The following EPG5 variants were observed in gnomAD, a reference collection of about 807,000 sequenced individuals.
EPG5 encodes ectopic P-granules 5 autophagy tethering factor.
A neutral mutation model predicts 302.7 loss-of-function variants in EPG5; 159 were observed. That is an observed-to-expected ratio of 0.53 (90% CI 0.46 to 0.60). The LOEUF is 0.60. Among genes scored for constraint, EPG5 ranks in the 20% least tolerant of loss-of-function variants. The probability of loss-of-function intolerance (pLI) is 0.00; values close to 1 mark genes in which losing one functional copy is unlikely to be tolerated. For synonymous variants in EPG5, 1,158 were observed against 1,136.8 expected (o/e 1.02, Z -0.37); for missense variants, 2,896 against 3,092.4 (o/e 0.94, Z 1.51).
At chr18:45,817,625 G>C in the EPG5 span, among the ~76,000 whole-genome samples, 2 of 152,178 alleles carry the variant, frequency 1.3e-5, no homozygotes, top group East Asian at 3.9e-4. Context: ...CTGACTATTG[G>C]CAGGTGGTCT....
chr18:45,921,823 G>A (rs532203210), intron 16 of EPG5, among the ~76,000 whole-genome samples: 79 of 152,148 alleles, frequency 5.2e-4, no homozygotes, highest in Non-Finnish European at 5.6e-4. Flanking sequence ...GGGGTGGGGG[G>A]CTGGGTGAGG....
At chr18:45,892,548 T>A (rs528326299) in intron 27 of EPG5, among the ~76,000 whole-genome samples, 2 of 152,314 alleles carry the variant, frequency 1.3e-5, no homozygotes, top group South Asian at 4.1e-4. Flanking sequence ...ATTTTTCACA[T>A]GATAATAAAT....
rs2050257669 is a variant in EPG5 at position 45,925,868 on chromosome 18, T to C, written c.2588A>G (p.Tyr863Cys). The C allele has an allele frequency of 5.8e-6, 9 of 1,539,606 alleles. No individual in the cohort carries two copies. The highest frequency in any genetic ancestry group is 1.3e-5 in the South Asian group (1 of 77,186). The change falls in exon 14 of 44, where the codon TAT becomes TGT. Residue 863 changes from tyrosine (Y) to cysteine (C), a missense_variant. Coordinates refer to ENST00000282041, the MANE Select transcript of EPG5 (RefSeq NM_020964.3). ...SLYLFKELPL[Y>C]LWQPSASEIA... ...CTCAGATGCAGAAGGTTGCCAAAGA[T>C]ACAAAGGCAGTTCTTTAAACAAGTA...
At chr18:45,966,124 G>A (rs2051249027) in intron 1 of EPG5, among the ~76,000 whole-genome samples, 1 of 151,722 alleles carries the variant, frequency 6.6e-6, no homozygotes. Context: ...TGTAATCTCA[G>A]CACTTTGGGA....
At chr18:45,838,635 A>T in the EPG5 span, 2 of 1,433,594 alleles carry the variant, frequency 1.4e-6, no homozygotes, top group African/African-American at 3.0e-5. Context: ...CCTTCTGACC[A>T]GCCCCCACCC....
intron 30 of EPG5, 24 bp downstream of exon 30, chr18:45,884,593 G>A: frequency 1.3e-6 from 2 of 1,566,026 alleles, no homozygotes. Flanking sequence ...TCAACAATAT[G>A]GTGAGGATGG....
chr18:45,819,509 AG>A, the EPG5 span, among the ~76,000 whole-genome samples: 1 of 152,234 alleles, frequency 6.6e-6, no homozygotes, highest in African/African-American at 2.4e-5. Context: ...AGTTGGGGTG[AG>A]GATTTAGGGA....
intron 42 of EPG5, among the ~76,000 whole-genome samples, chr18:45,856,295 G>A (rs1351554031): frequency 1.3e-5 from 2 of 152,050 alleles, no homozygotes; most frequent in Non-Finnish European, 2.9e-5. Context: ...CCAACATAAG[G>A]GGCCACACAT....
At chr18:45,887,007 C>T (rs761538007) in intron 29 of EPG5, among the ~76,000 whole-genome samples, 40 of 152,114 alleles carry the variant, frequency 2.6e-4, no homozygotes, top group Non-Finnish European at 1.2e-4. Context: ...ACAAAAAAAT[C>T]AATGATGATA....
chr18:45,902,305 G>A (rs1395564694), intron 25 of EPG5, among the ~76,000 whole-genome samples: 2 of 152,110 alleles, frequency 1.3e-5, no homozygotes, highest in Non-Finnish European at 2.9e-5. Context: ...TTTTCCACTA[G>A]AACTAACTAC....
At chr18:45,898,787 C>A (rs2049536453) in intron 27 of EPG5, among the ~76,000 whole-genome samples, 1 of 152,192 alleles carries the variant, frequency 6.6e-6, no homozygotes, top group Non-Finnish European at 1.5e-5. Flanking sequence ...ACATCATGGC[C>A]ACTCCATTTC....
intron 22 of EPG5, among the ~76,000 whole-genome samples, chr18:45,911,742 C>T (rs1307091663): frequency 6.6e-6 from 1 of 152,092 alleles, no homozygotes; most frequent in African/African-American, 2.4e-5. Flanking sequence ...CAGCCAGTAT[C>T]TATATATTTC....
At chr18:45,966,332 C>T (rs2051258773) in intron 1 of EPG5, among the ~76,000 whole-genome samples, 1 of 149,058 alleles carries the variant, frequency 6.7e-6, no homozygotes, top group Non-Finnish European at 1.5e-5. Flanking sequence ...GCCGAGATCG[C>T]GCCACTGCAC....
Position 45,915,584 on chromosome 18 carries a change from G to C in EPG5, c.3620C>G (p.Ser1207Ter). 1 of 1,614,186 alleles carries C rather than the reference G, an allele frequency of 6.2e-7. No individual in the cohort carries two copies. The highest frequency in any genetic ancestry group is 1.1e-5 in the South Asian group (1 of 91,080). Residue 1207 changes from serine to a stop codon, truncating the protein, a stop_gained, in exon 20 of 44, where the codon TCA becomes TGA. Transcript: ENST00000282041. LOFTEE classifies it high-confidence loss of function. ...TGCCACAATCCAGCTTACCAAAGATGAGAGCAGACTCCGGTCACAGTGGTA... is the reference window on the plus strand; with the variant it reads ...TGCCACAATCCAGCTTACCAAAGATCAGAGCAGACTCCGGTCACAGTGGTA... ...LGYHCDRSLL[S>*]SLVSWIVAGN...
the EPG5 span, among the ~76,000 whole-genome samples, chr18:45,811,017 A>G: frequency 6.6e-6 from 1 of 152,216 alleles, no homozygotes; most frequent in African/African-American, 2.4e-5. Context: ...ACATACCTCA[A>G]TGTAATAAAG....
At chr18:45,818,583 G>A in the EPG5 span, among the ~76,000 whole-genome samples, 1 of 152,004 alleles carries the variant, frequency 6.6e-6, no homozygotes, top group Non-Finnish European at 1.5e-5. Context: ...ACATTTATCA[G>A]CCATTTTTAT....
At chr18:45,852,864 G>A (rs2048443482) in intron 43 of EPG5, among the ~76,000 whole-genome samples, 1 of 152,206 alleles carries the variant, frequency 6.6e-6, no homozygotes. Context: ...GGCCTTTGCA[G>A]CATCCCACAC....
In EPG5 at chr18:45,934,881, G is replaced by C; in HGVS notation, c.2185C>G (p.Gln729Glu). The C allele has an allele frequency of 6.2e-7, 1 of 1,614,136 alleles. No homozygotes were observed. The highest frequency in any genetic ancestry group is 2.2e-5 in the East Asian group (1 of 44,884). Residue 729 changes from glutamine to glutamate, a missense_variant, in exon 11 of 44, where the codon CAG (glutamine) becomes GAG (glutamate). Gln to Glu is a conservative substitution (Grantham distance 29). This residue lies in a region of EPG5 where 1,390 missense variants were observed against 1,430.0 expected (regional missense o/e 0.97). Coordinates refer to ENST00000282041, the MANE Select transcript of EPG5 (RefSeq NM_020964.3). ...TGCTGCAGGTTCTCGCTCTCCACCT[G>C]GTGCATGAGGTAGAAGAGCTTCCAC... ...MLWKLFYLMH[Q>E]VESENLQQLS... is the part of the protein sequence containing the mutation.
In EPG5 at chr18:45,902,305, GAACT is replaced by G. The variant is rs1403350766; in HGVS notation, c.4475-1142_4475-1139del. ...CCTTATAGTTAGTGTTTTTCCACTA[GAACT>G]AACTACTCTTTGCACAGATGTAACC... is the stretch of plus-strand genomic sequence containing the variant. On this transcript the variant is annotated intron_variant, in intron 25 of 43. Transcript: ENST00000282041. 4.6e-5 allele frequency among the ~76,000 whole-genome samples: 7 copies of G among 152,228 alleles called. No individual in the cohort carries two copies. The East Asian group carries it at 9.7e-4, about 21-fold the overall frequency.
Sources: gnomAD v4.1 joint callset for allele counts (sites outside exome capture counted in the v4.1 genomes callset) on GRCh38, gnomAD v4.1.1 for gene constraint, gnomAD v4.1.1 regional missense constraint, MANE v1.5 for transcripts, NCBI Gene and HGNC (gene_info 2026-07-23, HGNC 2026-07-21) for gene names.